Variants in LARP1 observed in about 807,000 individuals in gnomAD.
LARP1 encodes the protein la-related protein 1.
In LARP1, 36 loss-of-function variants were observed where a neutral mutation model predicts 122.7. The observed-to-expected ratio is 0.29, with a 90% confidence interval of 0.22 to 0.39. LARP1 has a LOEUF of 0.39. LARP1 is among the 10% of genes least tolerant of loss of function. The pLI, the probability that LARP1 is intolerant of heterozygous loss-of-function variation, is 1.00. For synonymous variants in LARP1, 539 were observed against 528.7 expected (o/e 1.02, Z -0.27); for missense variants, 1,040 against 1,403.6 (o/e 0.74, Z 4.14).
intron 1 of LARP1, among the ~76,000 whole-genome samples, chr5:154,692,318 C>T (rs1278452779): frequency 1.3e-5 from 2 of 152,188 alleles, no homozygotes; most frequent in Non-Finnish European, 2.9e-5. Flanking sequence ...CTGCTTATTG[C>T]TAAACCTTGA....
chr5:154,797,172 T>G (rs2113806424), intron 8 of LARP1, among the ~76,000 whole-genome samples: 1 of 151,992 alleles, frequency 6.6e-6, no homozygotes, highest in East Asian at 1.9e-4. Context: ...TTTTTTTGTT[T>G]TTTGGTGAGA....
rs920683819 is a variant in LARP1, at chr5:154,806,044, G to T, written c.2698+12G>T. Reference sequence around the variant, plus strand: ...GCGCTGCCTTAATGGTAAGAAGTGTGGGGGGCAGGAGATGAGCCTCTGGGC... The same window carrying T: ...GCGCTGCCTTAATGGTAAGAAGTGTTGGGGGCAGGAGATGAGCCTCTGGGC... On this transcript the variant is annotated intron_variant, in intron 15 of 18. Coordinates refer to ENST00000518297, the MANE Select transcript of LARP1 (RefSeq NM_033551.3). 11 of 1,612,934 alleles carry T rather than the reference G, an allele frequency of 6.8e-6. No homozygotes were observed. Among genetic ancestry groups the T allele is most frequent in the East Asian group, 2.2e-5 (1 of 44,828 alleles).
At chr5:154,692,562 C>T (rs879895085) in intron 1 of LARP1, among the ~76,000 whole-genome samples, 2 of 152,180 alleles carry the variant, frequency 1.3e-5, no homozygotes, top group African/African-American at 2.4e-5. Context: ...TCTTCCCCAC[C>T]CTGTAGGTTC....
chr5:154,747,631 A>T (rs948764340), intron 1 of LARP1, among the ~76,000 whole-genome samples: 1 of 152,132 alleles, frequency 6.6e-6, no homozygotes, highest in Non-Finnish European at 1.5e-5. Flanking sequence ...TGGGAGGCGG[A>T]GGTTGCGGCA....
chr5:154,728,135 A>G (rs1317087764), intron 1 of LARP1, among the ~76,000 whole-genome samples: 1 of 152,164 alleles, frequency 6.6e-6, no homozygotes, highest in Non-Finnish European at 1.5e-5. Flanking sequence ...TAATATAAGT[A>G]TGAATCACTT....
intron 1 of LARP1, chr5:154,705,748 A>G (rs2113268662): frequency 6.6e-6 from 1 of 152,326 alleles, no homozygotes; most frequent in South Asian, 2.1e-4. Flanking sequence ...CAAAAAAATA[A>G]CAGATGCTAG....
intron 1 of LARP1, among the ~76,000 whole-genome samples, chr5:154,691,866 T>C (rs1754234153): frequency 6.6e-6 from 1 of 151,536 alleles, no homozygotes; most frequent in Non-Finnish European, 1.5e-5. Context: ...CTCGGCTCAC[T>C]GCAACCTCCC....
In LARP1 at chr5:154,795,194, G is replaced by A. The variant is rs375585440; in HGVS notation, c.1252G>A (p.Asp418Asn). The A allele has an allele frequency of 6.2e-7, 1 of 1,613,996 alleles. No homozygotes were observed. The highest frequency in any genetic ancestry group is 8.5e-7 in the Non-Finnish European group (1 of 1,179,912). ...ACTTAGTGAATACTACTTCAGCGTG[G>A]ACAATTTAGAGCGAGACTTCTTCCT... ...KRQIEYYFSV[D>N]NLERDFFLRR... The change falls in exon 8 of 19, where the codon GAC becomes AAC. Residue 418 changes from aspartate (D) to asparagine (N), a missense_variant. Physicochemically the swap from Asp to Asn is conservative, Grantham distance 23. Transcript: ENST00000518297.
chr5:154,796,693 T>G (rs1757883465), intron 8 of LARP1, among the ~76,000 whole-genome samples: 1 of 152,238 alleles, frequency 6.6e-6, no homozygotes, highest in African/African-American at 2.4e-5. Context: ...GATTGCAAAA[T>G]GACAATATAC....
chr5:154,812,223 G>C lies in LARP1; in HGVS notation c.3081+583G>C, dbSNP rs1368221901. The stretch of plus-strand genomic sequence containing the variant: ...TGAGAGTTTATAATGTAGTAGAGAT[G>C]TCTCTTTGTCTTATTCCCTTCAAAC... On this transcript the variant is annotated intron_variant, in intron 18 of 18. Coordinates refer to ENST00000518297, the MANE Select transcript of LARP1 (RefSeq NM_033551.3). Among the ~76,000 whole-genome samples the C allele has an allele frequency of 3.9e-5, 6 of 152,088 alleles. No homozygotes were observed. The East Asian group carries it at 1.2e-3, about 29-fold the overall frequency.
At chr5:154,684,918 A>G (rs1753855112) in intron 1 of LARP1, among the ~76,000 whole-genome samples, 1 of 152,098 alleles carries the variant, frequency 6.6e-6, no homozygotes, top group African/African-American at 2.4e-5. Flanking sequence ...GGAGTGGGAT[A>G]TGGAAGGGAT....
Position 154,811,329 on chromosome 5 carries a change from G to A in LARP1, c.2926G>A (p.Glu976Lys). Residue 976 changes from glutamate (E) to lysine (K), a missense_variant, in exon 17 of 19, where the codon GAG becomes AAG. Glu to Lys is a moderately conservative substitution (Grantham distance 56). This residue lies in a region of LARP1 where 129 missense variants were observed against 160.8 expected (regional missense o/e 0.80). Coordinates refer to ENST00000518297, the MANE Select transcript of LARP1 (RefSeq NM_033551.3). ...GCTGGACATATTCAAGGATTTTCAGGAGGAAACGGTGAAGGACTATGAAGC... is the reference window on the plus strand; with the variant it reads ...GCTGGACATATTCAAGGATTTTCAGAAGGAAACGGTGAAGGACTATGAAGC... Reference protein sequence around the residue: ...FRLDIFKDFQEETVKDYEAGQ... With the variant: ...FRLDIFKDFQKETVKDYEAGQ... The A allele has an allele frequency of 6.2e-7, 1 of 1,614,202 alleles. No individual in the cohort carries two copies. The highest frequency in any genetic ancestry group is 8.5e-7 in the Non-Finnish European group (1 of 1,180,042).
intron 1 of LARP1, among the ~76,000 whole-genome samples, chr5:154,717,895 A>G (rs921053191): frequency 4.0e-5 from 6 of 151,794 alleles, no homozygotes; most frequent in East Asian, 1.9e-4. Flanking sequence ...ACACACACCT[A>G]TGGGTTAGAA....
upstream of LARP1, among the ~76,000 whole-genome samples, chr5:154,750,533 A>G (rs1231065383): frequency 6.6e-6 from 1 of 152,196 alleles, no homozygotes; most frequent in Admixed American, 6.5e-5. Flanking sequence ...CGGCCTCCCA[A>G]AGTGTTGGGA....
Position 154,804,301 on chromosome 5 carries a change from C to A in LARP1, c.2540C>A (p.Ser847Tyr). 1 of 1,612,850 alleles carries A rather than the reference C, an allele frequency of 6.2e-7. No individual in the cohort carries two copies. The highest frequency in any genetic ancestry group is 8.5e-7 in the Non-Finnish European group (1 of 1,178,826). ...CGTGAGCACAGGCCCCGTACTGCTT[C>A]CATCAGGTACCTGGGGCAGTGGGGG... is the stretch of plus-strand genomic sequence containing the variant. The part of the protein sequence containing the change: ...DSREHRPRTA[S>Y]ISSSPSEGTP... Residue 847 changes from serine to tyrosine, a missense_variant, in exon 14 of 19, where the codon TCC (serine) becomes TAC (tyrosine). Ser to Tyr is a moderately radical substitution (Grantham distance 144). Coordinates refer to ENST00000518297, the MANE Select transcript of LARP1 (RefSeq NM_033551.3).
At chr5:154,791,933 C>G (rs373181138) in intron 3 of LARP1, 5 of 455,832 alleles carry the variant, frequency 1.1e-5, no homozygotes, top group South Asian at 1.5e-5. Flanking sequence ...CTTTTATAAT[C>G]CCCATTTTAC....
chr5:154,759,927 G>C (rs1754310167), intron 1 of LARP1, among the ~76,000 whole-genome samples: 1 of 131,544 alleles, frequency 7.6e-6, no homozygotes, highest in African/African-American at 3.3e-5. Flanking sequence ...AAGTTTGTTT[G>C]TTTGTTTGTT....
chr5:154,743,643 AGAGTCTCGCTCTGTTGCCCAGGCTG>A (rs1753028778), intron 1 of LARP1, among the ~76,000 whole-genome samples: 1 of 137,862 alleles, frequency 7.3e-6, no homozygotes, highest in Non-Finnish European at 1.6e-5. Context: ...GTTTAGAGAC[AGAGTCTCGCTCTGTTGCCCAGGCTG>A]GAGTATAGTG....
chr5:154,723,489 A>T lies in LARP1; in HGVS notation c.205+10359A>T, dbSNP rs190256026. 9.5e-4 allele frequency among the ~76,000 whole-genome samples: 145 copies of T among 152,264 alleles called. No homozygotes were observed. In the Middle Eastern group the frequency reaches 0.01, roughly 11 times the overall value. On this transcript the variant is annotated intron_variant, in intron 1 of 18. Transcript: ENST00000336314. ...GGAAGCACTGTGTAAACCCTAAAACATGAGTTATTTTAGGGGTGGTATAGG... is the reference window on the plus strand; with the variant it reads ...GGAAGCACTGTGTAAACCCTAAAACTTGAGTTATTTTAGGGGTGGTATAGG...
Sources: gnomAD v4.1 joint callset for allele counts (sites outside exome capture counted in the v4.1 genomes callset) on GRCh38, gnomAD v4.1.1 for gene constraint, gnomAD v4.1.1 regional missense constraint, MANE v1.5 for transcripts, NCBI Gene and HGNC (gene_info 2026-07-23, HGNC 2026-07-21) for gene names.